Variants in BRD7 observed in about 807,000 individuals in gnomAD.
BRD7 encodes the protein bromodomain containing 7, also known as bromodomain-containing protein 7.
Under a neutral mutation model 82.1 loss-of-function variants are expected in BRD7, and 15 were observed. That is an observed-to-expected ratio of 0.18 (90% confidence interval 0.12 to 0.28). BRD7 has a LOEUF of 0.28. Among genes scored for constraint, BRD7 ranks in the 10% least tolerant of loss-of-function variants. The pLI, the probability that BRD7 is intolerant of heterozygous loss-of-function variation, is 1.00. For synonymous variants in BRD7, 232 were observed against 266.9 expected (o/e 0.87, Z 1.27); for missense variants, 638 against 779.9 (o/e 0.82, Z 2.17).
chr16:50,320,216 G>A (rs375364426), intron 15 of BRD7, 32 bp downstream of exon 15: 9 of 1,594,328 alleles, frequency 5.6e-6, no homozygotes, highest in Non-Finnish European at 4.3e-6. Flanking sequence ...GAAGCATCCC[G>A]TGACTCTCCT....
At position 50,334,969 on chromosome 16, in the gene BRD7, G is replaced by C. The variant is rs530667583; in HGVS notation, c.703-74C>G. On this transcript the variant is annotated intron_variant, in intron 6 of 16. Coordinates refer to ENST00000394688, the MANE Select transcript of BRD7 (RefSeq NM_013263.5). The stretch of plus-strand genomic sequence containing the variant: ...AAAGTAATGCATTTTTTTCCCCACA[G>C]GAGTTTATACTTATCCTGTCATTAA... 2.1e-5 allele frequency: 29 copies of C among 1,357,450 alleles called. No individual in the cohort carries two copies. In the African/African-American group the frequency reaches 3.7e-4, roughly 18 times the overall value. The allele number at this position is 1,357,450 out of a possible 1,614,324, so 84.1% of individuals were successfully genotyped here.
intron 11 of BRD7, among the ~76,000 whole-genome samples, chr16:50,324,022 A>G (rs1024246963): frequency 2.0e-5 from 3 of 152,138 alleles, no homozygotes; most frequent in Non-Finnish European, 1.5e-5. Context: ...TATGGGATCA[A>G]AAAACTCTCA....
chr16:50,337,837 A>G (rs1183811875), intron 6 of BRD7, among the ~76,000 whole-genome samples: 1 of 151,972 alleles, frequency 6.6e-6, no homozygotes, highest in Non-Finnish European at 1.5e-5. Flanking sequence ...TAGGAAGCTA[A>G]TAACACAGGA....
chr16:50,342,285 T>G (rs921815440), intron 5 of BRD7, among the ~76,000 whole-genome samples: 2 of 152,128 alleles, frequency 1.3e-5, no homozygotes, highest in Non-Finnish European at 2.9e-5. Context: ...GATAAAAAGT[T>G]GGGAAAAGTT....
At chr16:50,367,661 T>G (rs1384557381) in intron 2 of BRD7, among the ~76,000 whole-genome samples, 2 of 152,228 alleles carry the variant, frequency 1.3e-5, no homozygotes, top group African/African-American at 4.8e-5. Flanking sequence ...AACACTGTTT[T>G]AAAAGATTTA....
chr16:50,315,996 A>G lies in BRD7; in HGVS notation c.*3215T>C, dbSNP rs2036780931. 6.5e-6 allele frequency: 1 copy of G among 155,022 alleles called. No individual in the cohort carries two copies. Among genetic ancestry groups the G allele is most frequent in the Admixed American group, 6.4e-5 (1 of 15,736 alleles). The allele number at this position is 155,022 out of a possible 1,614,324, so 9.6% of individuals were successfully genotyped here. A position where few individuals can be genotyped will look rare whatever the true frequency, so the allele number is the denominator to read the frequency against. Reference sequence around the variant, plus strand: ...GCATTTCTCACAGAGGCATTCTGGTAAATGAAGCTGAAAGGGGTGTTTTAC... The same window carrying G: ...GCATTTCTCACAGAGGCATTCTGGTGAATGAAGCTGAAAGGGGTGTTTTAC... On this transcript the variant is annotated 3_prime_UTR_variant, in exon 17 of 17. Coordinates refer to ENST00000394688, the MANE Select transcript of BRD7 (RefSeq NM_013263.5).
At chr16:50,319,307 C>A (rs1369512649) in intron 16 of BRD7, 41 bp from the exon 17 acceptor site, 2 of 1,590,048 alleles carry the variant, frequency 1.3e-6, no homozygotes, top group African/African-American at 2.7e-5. Context: ...ATTGTTTTTA[C>A]CTTTTAATTA....
At chr16:50,344,620 G>A (rs926920671) in intron 5 of BRD7, among the ~76,000 whole-genome samples, 1 of 152,176 alleles carries the variant, frequency 6.6e-6, no homozygotes. Flanking sequence ...CGTGATGCAT[G>A]CACAAGTTTC....
At position 50,368,097 on chromosome 16, in the gene BRD7, C is replaced by T. The variant is rs747668984; in HGVS notation, c.251G>A (p.Arg84Lys). ...CAATGTAACCACTTGTACCTTAACT[C>T]TTCTCCGTTTTCTCCCCTTTTCTTC... Reference protein sequence around the residue: ...PGEEKGRKRRRVKEDKKKRDR... With the variant: ...PGEEKGRKRRKVKEDKKKRDR... The change falls in exon 2 of 17, where the codon AGA becomes AAA. Residue 84 changes from arginine (R) to lysine (K), a missense_variant. Arg to Lys is a conservative substitution (Grantham distance 26). Transcript: ENST00000394688. 60 of 1,613,830 alleles carry T rather than the reference C, an allele frequency of 3.7e-5. No individual in the cohort carries two copies. The Admixed American group carries it at 4.0e-4, about 11-fold the overall frequency.
rs145782716 is a variant in BRD7, at chr16:50,356,067, C to T, written c.259-1145G>A. ...AATGTTGAGAACATGAGAACTAGCT[C>T]AAGCTCCCTAGAACTTGGGTAATTA... On this transcript the variant is annotated intron_variant, in intron 2 of 16. Transcript: ENST00000394688. Among the ~76,000 whole-genome samples the T allele has an allele frequency of 8.5e-5, 13 of 152,326 alleles. No individual in the cohort carries two copies. In the East Asian group the frequency reaches 2.3e-3, roughly 27 times the overall value.
chr16:50,330,954 T>C (rs2037539535), intron 8 of BRD7, among the ~76,000 whole-genome samples: 1 of 152,088 alleles, frequency 6.6e-6, no homozygotes, highest in African/African-American at 2.4e-5. Context: ...TCTATATACA[T>C]AGTATATAAA....
intron 6 of BRD7, among the ~76,000 whole-genome samples, chr16:50,338,640 T>C (rs2151165796): frequency 6.6e-6 from 1 of 152,360 alleles, no homozygotes; most frequent in Non-Finnish European, 1.5e-5. Flanking sequence ...GCAAAATCCC[T>C]GTCCTATCTT....
chr16:50,326,088 A>C (rs952504536), intron 10 of BRD7, among the ~76,000 whole-genome samples, 196 bp downstream of exon 10: 9 of 152,240 alleles, frequency 5.9e-5, no homozygotes, highest in Non-Finnish European at 1.3e-4. Context: ...GAGGAACAAG[A>C]AAGAACAAAA....
rs1336257609 is a variant in BRD7 at position 50,325,802 on chromosome 16, G to T, written c.1277C>A (p.Ser426Tyr). 6.2e-7 allele frequency: 1 copy of T among 1,611,832 alleles called. No homozygotes were observed. Among genetic ancestry groups the T allele is most frequent in the Non-Finnish European group, 8.5e-7 (1 of 1,179,332 alleles). ...STFANISKDD[S>Y]DLIYSTYGED... Reference sequence around the variant, plus strand: ...CCCATAGGTTGAATAGATTAAATCAGAATCATCCTTGCTGATATTTGCAAA... The same window carrying T: ...CCCATAGGTTGAATAGATTAAATCATAATCATCCTTGCTGATATTTGCAAA... Residue 426 changes from serine (S) to tyrosine (Y), a missense_variant, in exon 11 of 17, where the codon TCT becomes TAT. Physicochemically the swap from Ser to Tyr is moderately radical, Grantham distance 144. Around this residue, in one of 3 missense-constraint regions of BRD7, gnomAD observed 402 missense variants for 500.8 expected, o/e 0.80. Coordinates refer to ENST00000394688, the MANE Select transcript of BRD7 (RefSeq NM_013263.5).
chr16:50,356,451 A>G (rs1469264372), intron 2 of BRD7, among the ~76,000 whole-genome samples: 1 of 152,236 alleles, frequency 6.6e-6, no homozygotes, highest in Non-Finnish European at 1.5e-5. Context: ...GGTAATGTAA[A>G]TGAGCTAAAA....
Position 50,333,575 on chromosome 16 carries a change from T to C in BRD7, c.1010A>G (p.Gln337Arg). ...GKLTRRLVNS[Q>R]CEFERRKPDG... ...AAAGAAAAGGCAAAGCTCAATCACC[T>C]GACTGTTCACAAGCCGCCTGGTCAG... Residue 337 changes from glutamine to arginine, a missense_variant and splice_region_variant, in exon 8 of 17, where the codon CAG becomes CGG. By Grantham distance (43) the Gln-to-Arg change is conservative. This residue lies in a region of BRD7 where 402 missense variants were observed against 500.8 expected (regional missense o/e 0.80). Coordinates refer to ENST00000394688, the MANE Select transcript of BRD7 (RefSeq NM_013263.5). The C allele has an allele frequency of 6.2e-7, 1 of 1,611,664 alleles. No individual in the cohort carries two copies. Among genetic ancestry groups the C allele is most frequent in the Non-Finnish European group, 8.5e-7 (1 of 1,179,750 alleles).
intron 5 of BRD7, among the ~76,000 whole-genome samples, chr16:50,342,159 G>A (rs2038090633): frequency 6.6e-6 from 1 of 151,978 alleles, no homozygotes; most frequent in African/African-American, 2.4e-5. Context: ...AGAAAGATCA[G>A]AGGAAAATCA....
chr16:50,319,183 A>G lies in BRD7; in HGVS notation c.*28T>C. On this transcript the variant is annotated 3_prime_UTR_variant, in exon 17 of 17. Coordinates refer to ENST00000394688, the MANE Select transcript of BRD7 (RefSeq NM_013263.5). Reference sequence around the variant, plus strand: ...AAGTTAAGAATGAAAAAGTATGTACATAATATATAATCAAATACCAGGCAG... The same window carrying G: ...AAGTTAAGAATGAAAAAGTATGTACGTAATATATAATCAAATACCAGGCAG... 1.3e-6 allele frequency: 2 copies of G among 1,555,166 alleles called. No individual in the cohort carries two copies. The highest frequency in any genetic ancestry group is 1.8e-6 in the Non-Finnish European group (2 of 1,130,784).
intron 2 of BRD7, among the ~76,000 whole-genome samples, chr16:50,364,396 G>A (rs1219109426): frequency 6.6e-6 from 1 of 152,066 alleles, no homozygotes; most frequent in African/African-American, 2.4e-5. Context: ...CTAGCAAAAA[G>A]AATCTCTCCC....
Sources: gnomAD v4.1 joint callset for allele counts (sites outside exome capture counted in the v4.1 genomes callset) on GRCh38, gnomAD v4.1.1 for gene constraint, gnomAD v4.1.1 regional missense constraint, MANE v1.5 for transcripts, NCBI Gene and HGNC (gene_info 2026-07-23, HGNC 2026-07-21) for gene names.